Variants in SDK1 observed in about 807,000 individuals in gnomAD.
The protein encoded by SDK1 is protein sidekick-1.
SDK1 carries 157 observed loss-of-function variants against 245.5 expected under a neutral mutation model. The ratio of observed to expected loss-of-function variants is 0.64; its 90% confidence interval spans 0.56 to 0.73. The LOEUF is 0.73. Ranked by LOEUF, SDK1 falls within the 30% of genes least tolerant of loss-of-function variation. SDK1 has a pLI of 0.00. For synonymous variants in SDK1, 1,647 were observed against 1,278.5 expected (o/e 1.29, Z -6.15); for missense variants, 3,583 against 3,002.3 (o/e 1.19, Z -4.52).
intron 4 of SDK1, among the ~76,000 whole-genome samples, chr7:3,789,621 C>G (rs1353285685): frequency 6.6e-6 from 1 of 152,180 alleles, no homozygotes; most frequent in Non-Finnish European, 1.5e-5. Context: ...AGTGTATCAT[C>G]CAACTTCTGA....
At chr7:3,582,709 AGG>A (rs1255934384) in intron 1 of SDK1, among the ~76,000 whole-genome samples, 2 of 135,916 alleles carry the variant, frequency 1.5e-5, no homozygotes, top group Non-Finnish European at 3.2e-5. Context: ...AAAAAAAAAA[AGG>A]TACCATCAGG....
intron 5 of SDK1, among the ~76,000 whole-genome samples, chr7:3,870,183 A>C (rs1780922064): frequency 6.6e-6 from 1 of 152,254 alleles, no homozygotes; most frequent in African/African-American, 2.4e-5. Context: ...GACTCCATAA[A>C]GATGTTATAA....
At chr7:3,476,851 G>A (rs748611169) in intron 1 of SDK1, among the ~76,000 whole-genome samples, 2 of 152,170 alleles carry the variant, frequency 1.3e-5, no homozygotes, top group Non-Finnish European at 2.9e-5. Flanking sequence ...GGTGGTATTC[G>A]TGACTATTAA....
chr7:3,457,627 T>A (rs990833649), intron 1 of SDK1, among the ~76,000 whole-genome samples: 3 of 152,216 alleles, frequency 2.0e-5, no homozygotes, highest in Non-Finnish European at 4.4e-5. Flanking sequence ...CTGTATGAAT[T>A]TCAGCTTAAT....
In SDK1 at chr7:3,499,901, G is replaced by T. The variant is rs556048691; in HGVS notation, c.299-119179G>T. ...AGAAGTATGTTTGTAAGTTCACTAT[G>T]AGTAGATCAAAGTGGGCCATTATAG... On this transcript the variant is annotated intron_variant, in intron 1 of 44. Transcript: ENST00000404826. Among the ~76,000 whole-genome samples, 28 of 152,320 alleles carry T rather than the reference G, an allele frequency of 1.8e-4. No individual in the cohort carries two copies. In the South Asian group the frequency reaches 5.8e-3, roughly 32 times the overall value.
intron 4 of SDK1, among the ~76,000 whole-genome samples, chr7:3,750,915 A>G (rs1779755786): frequency 6.6e-6 from 1 of 152,216 alleles, no homozygotes; most frequent in East Asian, 1.9e-4. Flanking sequence ...CTAACAGCAC[A>G]GAAGAGGTAT....
At chr7:3,402,783 T>C (rs531026847) in intron 1 of SDK1, among the ~76,000 whole-genome samples, 1 of 152,344 alleles carries the variant, frequency 6.6e-6, no homozygotes, top group African/African-American at 2.4e-5. Context: ...TTAGTTAATA[T>C]AAACTTTATT....
chr7:3,543,600 C>G (rs1046934351), intron 1 of SDK1, among the ~76,000 whole-genome samples: 1 of 152,188 alleles, frequency 6.6e-6, no homozygotes, highest in Non-Finnish European at 1.5e-5. Context: ...TGTCCACCTG[C>G]TTACTTCTGA....
At chr7:4,103,114 C>T (rs960101169) in intron 22 of SDK1, among the ~76,000 whole-genome samples, 4 of 151,944 alleles carry the variant, frequency 2.6e-5, no homozygotes, top group African/African-American at 9.7e-5. Flanking sequence ...CATTCTCCTG[C>T]CTCAGCCTCC....
At chr7:3,622,204 G>C (rs141807010) in intron 2 of SDK1, among the ~76,000 whole-genome samples, 1 of 152,168 alleles carries the variant, frequency 6.6e-6, no homozygotes, top group Non-Finnish European at 1.5e-5. Flanking sequence ...TAGGCCCGGC[G>C]CAGTGGCTCA....
intron 1 of SDK1, among the ~76,000 whole-genome samples, chr7:3,488,842 C>G (rs533585847): frequency 3.9e-5 from 6 of 152,166 alleles, no homozygotes; most frequent in African/African-American, 1.4e-4. Flanking sequence ...CAGGATGACA[C>G]TCACATGAGA....
chr7:4,068,473 C>T (rs1780040581), intron 20 of SDK1, among the ~76,000 whole-genome samples: 1 of 152,102 alleles, frequency 6.6e-6, no homozygotes, highest in Non-Finnish European at 1.5e-5. Flanking sequence ...CGTCCCACAG[C>T]TGTGAGCCGC....
In SDK1 at chr7:3,951,896, G is replaced by A; in HGVS notation, c.1126G>A (p.Ala376Thr). ...GGGGAGCGCTTTTGAACCGGCCAGG[G>A]CGACGGCCTTTCTTTTCATCATAGG... ...LPGSAFEPAR[A>T]TAFLFIIEPP... The change falls in exon 7 of 45, where the codon GCG becomes ACG. Residue 376 changes from alanine to threonine, a missense_variant. Ala to Thr is a moderately conservative substitution (Grantham distance 58). Coordinates refer to ENST00000404826, the MANE Select transcript of SDK1 (RefSeq NM_152744.4). 1 of 1,613,144 alleles carries A rather than the reference G, an allele frequency of 6.2e-7. No individual in the cohort carries two copies. Among genetic ancestry groups the A allele is most frequent in the Non-Finnish European group, 8.5e-7 (1 of 1,179,934 alleles).
intron 1 of SDK1, among the ~76,000 whole-genome samples, chr7:3,447,224 ATTTTC>A (rs1780366891): frequency 6.6e-6 from 1 of 152,176 alleles, no homozygotes; most frequent in African/African-American, 2.4e-5. Context: ...TTTACTTAAT[ATTTTC>A]TTAAGTTACA....
At chr7:3,673,050 GTAAA>G (rs1373875819) in intron 4 of SDK1, among the ~76,000 whole-genome samples, 2 of 151,678 alleles carry the variant, frequency 1.3e-5, no homozygotes, top group Non-Finnish European at 2.9e-5. Context: ...CTTGCTGATA[GTAAA>G]TAAATACTTA....
chr7:3,310,938 T>C (rs1003265421), intron 1 of SDK1, among the ~76,000 whole-genome samples: 6 of 152,220 alleles, frequency 3.9e-5, no homozygotes, highest in African/African-American at 1.4e-4. Flanking sequence ...ATTGATATGA[T>C]TGTAGGTAAG....
intron 31 of SDK1, among the ~76,000 whole-genome samples, chr7:4,160,846 G>A (rs937575029): frequency 2.0e-5 from 3 of 152,282 alleles, no homozygotes; most frequent in African/African-American, 7.2e-5. Flanking sequence ...ACTGATGCAG[G>A]CACTGCCAGG....
At chr7:3,948,202 C>T (rs943928865) in intron 5 of SDK1, among the ~76,000 whole-genome samples, 4 of 149,586 alleles carry the variant, frequency 2.7e-5, no homozygotes, top group Non-Finnish European at 5.9e-5. Context: ...TGGTGGTTTC[C>T]ATAAGTCAGA....
Position 4,267,308 on chromosome 7 carries a change from TTCCC to T in SDK1, c.*1934_*1937del. The T allele has an allele frequency of 1.3e-6, 1 of 785,094 alleles. No individual in the cohort carries two copies. Among genetic ancestry groups the T allele is most frequent in the Non-Finnish European group, 1.5e-6 (1 of 651,518 alleles). The allele number at this position is 785,094 out of a possible 1,614,324, so 48.6% of individuals were successfully genotyped here. A position where few individuals can be genotyped will look rare whatever the true frequency, so the allele number is the denominator to read the frequency against. On this transcript the variant is annotated 3_prime_UTR_variant, in exon 45 of 45. Coordinates refer to ENST00000404826, the MANE Select transcript of SDK1 (RefSeq NM_152744.4). The stretch of plus-strand genomic sequence containing the variant: ...TTTCCTCCTTCCTTCCCTCCCTTCT[TTCCC>T]TCCCTCCCTTCCTCTCTCCCCTATT...
Sources: gnomAD v4.1 joint callset for allele counts (sites outside exome capture counted in the v4.1 genomes callset) on GRCh38, gnomAD v4.1.1 for gene constraint, MANE v1.5 for transcripts, NCBI Gene and HGNC (gene_info 2026-07-23, HGNC 2026-07-21) for gene names.